The following ABCA13 variants were observed in gnomAD, a reference collection of about 807,000 sequenced individuals.
ABCA13 encodes ATP binding cassette subfamily A member 13.
A neutral mutation model predicts 478.7 loss-of-function variants in ABCA13; 476 were observed. That is an observed-to-expected ratio of 0.99 (90% CI 0.92 to 1.07). ABCA13 has a LOEUF of 1.07. ABCA13 is among the 50% of genes least tolerant of loss of function. The probability of loss-of-function intolerance (pLI) is 0.00; values close to 1 mark genes in which losing one functional copy is unlikely to be tolerated. For synonymous variants in ABCA13, 2,252 were observed against 2,158.9 expected, an observed-to-expected ratio of 1.04 and a Z score of -1.20; for missense variants, 6,060 against 5,910.6, an observed-to-expected ratio of 1.03 and a Z score of -0.83.
intron 48 of ABCA13, among the ~76,000 whole-genome samples, chr7:48,494,383 G>A (rs1042914839): frequency 1.3e-5 from 2 of 152,126 alleles, no homozygotes; most frequent in African/African-American, 4.8e-5. Flanking sequence ...GTTGGAATTC[G>A]GCTGGCATCC....
In ABCA13 at chr7:48,272,137, A is replaced by T. The variant is rs1795699078; in HGVS notation, c.2471A>T (p.Glu824Val). Residue 824 changes from glutamate (E) to valine (V), a missense_variant, in exon 17 of 62, where the codon GAA becomes GTA. This residue lies in a region of ABCA13 where 4,423 missense variants were observed against 4,309.1 expected (regional missense o/e 1.03). Coordinates refer to ENST00000435803, the MANE Select transcript of ABCA13 (RefSeq NM_152701.5). ...KEPKNLLRFI[E>V]LILFEINPKL... Reference sequence around the variant, plus strand: ...CCAAAAAATCTTTTGAGATTCATAGAATTAATACTTTTTGAAATTAATCCC... The same window carrying T: ...CCAAAAAATCTTTTGAGATTCATAGTATTAATACTTTTTGAAATTAATCCC... 6.2e-7 allele frequency: 1 copy of T among 1,613,218 alleles called. No homozygotes were observed. Among genetic ancestry groups the T allele is most frequent in the African/African-American group, 1.3e-5 (1 of 74,914 alleles).
chr7:48,341,709 G>A (rs1163854263), intron 29 of ABCA13, among the ~76,000 whole-genome samples: 1 of 149,586 alleles, frequency 6.7e-6, no homozygotes, highest in Non-Finnish European at 1.5e-5. Context: ...CTCTCTATTG[G>A]TTTTTTCCTT....
chr7:48,278,152 A>G lies in ABCA13; in HGVS notation c.6958A>G (p.Met2320Val), dbSNP rs1426261896. Reference sequence around the variant, plus strand: ...GAAACTGGATCAATTTCTTACCCTGATGATACAAGACAGATTGATGAACAT... The same window carrying G: ...GAAACTGGATCAATTTCTTACCCTGGTGATACAAGACAGATTGATGAACAT... ...ILKLDQFLTL[M>V]IQDRLMNIFS... Residue 2320 changes from methionine to valine, a missense_variant, in exon 18 of 62, where the codon ATG becomes GTG. Physicochemically the swap from Met to Val is conservative, Grantham distance 21 (BLOSUM62 1). Around this residue, in one of 3 missense-constraint regions of ABCA13, gnomAD observed 4,423 missense variants for 4,309.1 expected, o/e 1.03. Coordinates refer to ENST00000435803, the MANE Select transcript of ABCA13 (RefSeq NM_152701.5). 8.0e-6 allele frequency: 12 copies of G among 1,494,710 alleles called. No homozygotes were observed. Among genetic ancestry groups the G allele is most frequent in the Non-Finnish European group, 9.8e-6 (11 of 1,117,230 alleles). The allele number at this position is 1,494,710 out of a possible 1,614,324, so 92.6% of individuals were successfully genotyped here. A position where few individuals can be genotyped will look rare whatever the true frequency, so the allele number is the denominator to read the frequency against.
intron 38 of ABCA13, among the ~76,000 whole-genome samples, chr7:48,395,952 G>A (rs1816779374): frequency 6.6e-6 from 1 of 152,200 alleles, no homozygotes; most frequent in African/African-American, 2.4e-5. Context: ...TCAGCTGTGT[G>A]TATAGAGAGA....
intron 58 of ABCA13, among the ~76,000 whole-genome samples, chr7:48,611,082 GGCT>G (rs1255414951): frequency 6.6e-6 from 1 of 152,110 alleles, no homozygotes; most frequent in African/African-American, 2.4e-5. Context: ...CATGATGTCA[GGCT>G]GCAAATTTTC....
chr7:48,455,123 C>T lies in ABCA13; in HGVS notation c.12652C>T (p.Arg4218Cys), dbSNP rs902514434. ...VAAILARRLR[R>C]TLRAGKSTLA... The stretch of plus-strand genomic sequence containing the variant: ...CGCGATCCTGGCCCGGAGGCTCCGC[C>T]GCACGCTGCGCGCCGGGAAGAGCAC... Residue 4218 changes from arginine (R) to cysteine (C), a missense_variant, in exon 43 of 62, where the codon CGC becomes TGC. This residue lies in a region of ABCA13 where 1,627 missense variants were observed against 1,571.0 expected (regional missense o/e 1.04). Transcript: ENST00000435803. 6.4e-7 allele frequency: 1 copy of T among 1,563,354 alleles called. No individual in the cohort carries two copies. Among genetic ancestry groups the T allele is most frequent in the Non-Finnish European group, 8.7e-7 (1 of 1,154,548 alleles).
intron 46 of ABCA13, among the ~76,000 whole-genome samples, chr7:48,482,336 A>G (rs1563330583): frequency 6.6e-6 from 1 of 152,174 alleles, no homozygotes; most frequent in African/African-American, 2.4e-5. Context: ...GAAATAGAGT[A>G]GGGAAGACAA....
chr7:48,273,273 C>A lies in ABCA13; in HGVS notation c.3607C>A (p.His1203Asn). The change falls in exon 17 of 62, where the codon CAT (histidine) becomes AAT (asparagine). Residue 1203 changes from histidine (H) to asparagine (N), a missense_variant. Physicochemically the swap from His to Asn is moderately conservative, Grantham distance 68 (BLOSUM62 1). Coordinates refer to ENST00000435803, the MANE Select transcript of ABCA13 (RefSeq NM_152701.5). ...SKSCQGILPT[H>N]NVARLILNLF... ...AAGCTGCCAGGGTATACTTCCCACC[C>A]ATAATGTTGCTAGACTCATATTAAA... 1 of 1,613,654 alleles carries A rather than the reference C, an allele frequency of 6.2e-7. No individual in the cohort carries two copies.
intron 39 of ABCA13, among the ~76,000 whole-genome samples, chr7:48,404,964 G>T (rs1401286828): frequency 6.6e-6 from 1 of 152,236 alleles, no homozygotes; most frequent in African/African-American, 2.4e-5. Flanking sequence ...CCTGGCCTGG[G>T]CAATTGCACT....
intron 55 of ABCA13, among the ~76,000 whole-genome samples, chr7:48,536,776 A>T: frequency 6.6e-6 from 1 of 152,126 alleles, no homozygotes. Context: ...TTCCATAATA[A>T]ATTTTATTTT....
chr7:48,435,547 C>T (rs1042547695), intron 42 of ABCA13, among the ~76,000 whole-genome samples: 4 of 151,812 alleles, frequency 2.6e-5, no homozygotes, highest in African/African-American at 9.6e-5. Context: ...ACTTCCAGTG[C>T]TATCTTGAAT....
At chr7:48,592,195 C>G (rs960524339) in intron 57 of ABCA13, among the ~76,000 whole-genome samples, 3 of 126,148 alleles carry the variant, frequency 2.4e-5, no homozygotes, top group Non-Finnish European at 4.7e-5. Flanking sequence ...TATTTGAAAT[C>G]TTTCTTTTTT....
At chr7:48,563,831 TG>T (rs1194501879) in intron 55 of ABCA13, among the ~76,000 whole-genome samples, 2,676 of 76,074 alleles carry the variant, frequency 0.035, 81 homozygotes, top group African/African-American at 0.16. Flanking sequence ...TGTGTGTGTG[TG>T]TGTGTGTTTT....
intron 56 of ABCA13, among the ~76,000 whole-genome samples, chr7:48,581,164 A>C (rs1425428432): frequency 6.6e-6 from 1 of 152,200 alleles, no homozygotes; most frequent in Non-Finnish European, 1.5e-5. Flanking sequence ...TAGAAGCAGA[A>C]ATAAGTGGCT....
intron 35 of ABCA13, among the ~76,000 whole-genome samples, chr7:48,382,484 G>A (rs1433448637): frequency 6.6e-6 from 1 of 152,124 alleles, no homozygotes; most frequent in Non-Finnish European, 1.5e-5. Context: ...CACCCACACA[G>A]GGTAGGCAGA....
intron 55 of ABCA13, among the ~76,000 whole-genome samples, chr7:48,557,496 A>G (rs1028148891): frequency 2.6e-5 from 4 of 151,850 alleles, no homozygotes; most frequent in African/African-American, 9.7e-5. Flanking sequence ...AGTTTTTTCT[A>G]TCAACACTTT....
chr7:48,227,256 C>T lies in ABCA13; in HGVS notation c.469-6C>T, dbSNP rs1584308117. ...GAAACTTTTGGTGTATTTTTTTTCC[C>T]ATCAGATGGATCTCAATAAGACCGA... On this transcript the variant is annotated splice_polypyrimidine_tract_variant and splice_region_variant and intron_variant, in intron 5 of 61. Transcript: ENST00000435803. The T allele has an allele frequency of 6.2e-7, 1 of 1,611,530 alleles. No homozygotes were observed. The highest frequency in any genetic ancestry group is 8.5e-7 in the Non-Finnish European group (1 of 1,179,182).
chr7:48,501,717 C>A (rs1830762503), intron 48 of ABCA13, among the ~76,000 whole-genome samples: 2 of 152,190 alleles, frequency 1.3e-5, no homozygotes, highest in Non-Finnish European at 2.9e-5. Flanking sequence ...CATCAGTGGG[C>A]TGTCTCCTGA....
In ABCA13 at chr7:48,645,797, A is replaced by G; in HGVS notation, c.*285A>G. 2.9e-6 allele frequency: 1 copy of G among 349,654 alleles called. No homozygotes were observed. Among genetic ancestry groups the G allele is most frequent in the Non-Finnish European group, 5.2e-6 (1 of 190,856 alleles). The allele number at this position is 349,654 out of a possible 1,614,324, so 21.7% of individuals were successfully genotyped here. ...TTGTGACAAAGGCATGAATGATTTG[A>G]CAGTGTCCAAACTGAGACATTCTGG... On this transcript the variant is annotated 3_prime_UTR_variant, in exon 62 of 62. Coordinates refer to ENST00000435803, the MANE Select transcript of ABCA13 (RefSeq NM_152701.5).
Sources: allele counts gnomAD v4.1 joint callset (sites outside exome capture counted in the v4.1 genomes callset), GRCh38; gene constraint gnomAD v4.1.1; regional missense constraint gnomAD v4.1.1; transcripts MANE v1.5; gene names NCBI Gene and HGNC (gene_info 2026-07-23, HGNC 2026-07-21).